Variants in FGF14 observed in about 807,000 individuals in gnomAD.
FGF14 encodes the protein fibroblast growth factor homologous factor 4.
A neutral mutation model predicts 25.5 loss-of-function variants in FGF14; 5 were observed. That is an observed-to-expected ratio of 0.20 (90% CI 0.10 to 0.41). The LOEUF (loss-of-function observed/expected upper bound fraction) is 0.41, where lower values mean the gene tolerates loss of function less well. Ranked by LOEUF, FGF14 falls within the 10% of genes least tolerant of loss-of-function variation. FGF14 has a pLI of 1.00. For missense variants in FGF14, 222 were observed against 320.1 expected (o/e 0.69, Z 2.34); for synonymous variants, 138 against 118.3 (o/e 1.17, Z -1.08).
chr13:101,800,975 A>C (rs1056551904), intron 3 of FGF14, among the ~76,000 whole-genome samples: 3 of 152,140 alleles, frequency 2.0e-5, no homozygotes, highest in African/African-American at 7.2e-5. Context: ...TGTTTTAGAA[A>C]ACGTGAGATA....
intron 1 of FGF14, among the ~76,000 whole-genome samples, chr13:101,929,571 C>A (rs1028947679): frequency 1.3e-5 from 2 of 152,132 alleles, no homozygotes; most frequent in African/African-American, 2.4e-5. Context: ...CATAGGTTTG[C>A]AGTAGACCCA....
At chr13:101,768,015 T>A (rs2038516400) in intron 3 of FGF14, among the ~76,000 whole-genome samples, 1 of 152,132 alleles carries the variant, frequency 6.6e-6, no homozygotes, top group Non-Finnish European at 1.5e-5. Flanking sequence ...TTTTCATAAT[T>A]TAGAGTAGGC....
intron 1 of FGF14, among the ~76,000 whole-genome samples, chr13:102,050,973 G>A (rs2042192295): frequency 6.6e-6 from 1 of 152,146 alleles, no homozygotes; most frequent in South Asian, 2.1e-4. Flanking sequence ...ACCAGAGACA[G>A]GTATGGCTGC....
chr13:102,022,646 A>G (rs1448090728), intron 1 of FGF14, among the ~76,000 whole-genome samples: 2 of 152,094 alleles, frequency 1.3e-5, no homozygotes, highest in Admixed American at 6.6e-5. Flanking sequence ...AGCCAATGAA[A>G]GGCAAAGAAA....
At position 102,253,132 on chromosome 13, in the gene FGF14, G is replaced by A. The variant is rs140095069; in HGVS notation, c.208+148339C>T. 2.4e-4 allele frequency among the ~76,000 whole-genome samples: 37 copies of A among 152,256 alleles called. No homozygotes were observed. The East Asian group carries it at 5.8e-3, about 24-fold the overall frequency. On this transcript the variant is annotated intron_variant, in intron 1 of 4. Transcript: ENST00000376131. ...GTGAACAGTGCCACAATAAACATAC[G>A]TGTGCATGTAACTTTACAGTAGAAT...
At chr13:101,815,509 GA>G (rs778496441) in intron 3 of FGF14, among the ~76,000 whole-genome samples, 7 of 152,152 alleles carry the variant, frequency 4.6e-5, no homozygotes, top group Non-Finnish European at 7.4e-5. Context: ...TATATTTTAA[GA>G]AGCACTGAAA....
intron 1 of FGF14, among the ~76,000 whole-genome samples, chr13:102,222,433 C>T (rs1415052): frequency 0.81 from 123,054 of 152,154 alleles, 50,166 homozygotes; most frequent in African/African-American, 0.91. Context: ...AAGACATGCA[C>T]TGCAGCCTTA....
At chr13:102,094,071 G>C (rs1430068685) in intron 1 of FGF14, among the ~76,000 whole-genome samples, 1 of 133,052 alleles carries the variant, frequency 7.5e-6, no homozygotes, top group African/African-American at 2.9e-5. Flanking sequence ...GCTAAAAAAG[G>C]AAGGAGAGGA....
chr13:102,100,668 G>A (rs1354068004), intron 1 of FGF14, among the ~76,000 whole-genome samples: 1 of 152,222 alleles, frequency 6.6e-6, no homozygotes, highest in Non-Finnish European at 1.5e-5. Flanking sequence ...CCTGTTGAGA[G>A]CAAGCTCATT....
In FGF14 at chr13:102,302,665, C is replaced by T. The variant is rs558199462; in HGVS notation, c.208+98806G>A. On this transcript the variant is annotated intron_variant, in intron 1 of 4. Transcript: ENST00000376131. ...CAACTGCCAGATATCTTCCCACAAA[C>T]TCCCAAACTCAGTGATAACTCTCTC... Among the ~76,000 whole-genome samples, 20 of 152,260 alleles carry T rather than the reference C, an allele frequency of 1.3e-4. No individual in the cohort carries two copies. The South Asian group carries it at 4.1e-3, about 32-fold the overall frequency.
chr13:101,869,563 T>C (rs1439642545), intron 2 of FGF14, among the ~76,000 whole-genome samples: 1 of 152,224 alleles, frequency 6.6e-6, no homozygotes, highest in East Asian at 1.9e-4. Context: ...GAATGTTTAG[T>C]AGGTTTTCTT....
intron 1 of FGF14, among the ~76,000 whole-genome samples, chr13:102,047,326 G>A (rs1010443832): frequency 2.0e-5 from 3 of 151,838 alleles, no homozygotes; most frequent in Non-Finnish European, 2.9e-5. Flanking sequence ...AGAATAATAA[G>A]AATAATAATG....
chr13:101,849,559 C>G (rs576167133), intron 3 of FGF14, among the ~76,000 whole-genome samples: 1 of 152,006 alleles, frequency 6.6e-6, no homozygotes, highest in Non-Finnish European at 1.5e-5. Context: ...TCAATGAATA[C>G]GTTAATGATA....
intron 1 of FGF14, among the ~76,000 whole-genome samples, chr13:101,948,762 G>A (rs1050734380): frequency 2.6e-5 from 4 of 152,090 alleles, no homozygotes; most frequent in African/African-American, 9.7e-5. Flanking sequence ...GGCACAGAAT[G>A]TTAACATTTG....
intron 1 of FGF14, among the ~76,000 whole-genome samples, chr13:102,240,825 G>T (rs2051562352): frequency 6.6e-6 from 1 of 151,774 alleles, no homozygotes; most frequent in Admixed American, 6.6e-5. Flanking sequence ...AACAAAATTA[G>T]GAGAAACAAT....
At chr13:102,356,539 G>T (rs1295150303) in intron 1 of FGF14, among the ~76,000 whole-genome samples, 1 of 152,166 alleles carries the variant, frequency 6.6e-6, no homozygotes, top group Admixed American at 6.5e-5. Context: ...CCTAAAACCT[G>T]TCATTATTAT....
intron 1 of FGF14, among the ~76,000 whole-genome samples, chr13:101,876,337 T>C (rs1358258549): frequency 5.3e-5 from 8 of 152,228 alleles, no homozygotes; most frequent in Non-Finnish European, 1.2e-4. Flanking sequence ...GAATGGGCCA[T>C]GCTAATGCAA....
rs1252745711 is a variant in FGF14 at position 101,862,454 on chromosome 13, A to C, written c.408+6271T>G. Among the ~76,000 whole-genome samples, 5 of 152,086 alleles carry C rather than the reference A, an allele frequency of 3.3e-5. No homozygotes were observed. In the South Asian group the frequency reaches 8.3e-4, roughly 25 times the overall value. On this transcript the variant is annotated intron_variant, in intron 3 of 4. Transcript: ENST00000376143. ...ATGTCACTGGAATCTGGATAGTATCAAAGTAATTTATTTCTGTTATCTAGC... is the reference window on the plus strand; with the variant it reads ...ATGTCACTGGAATCTGGATAGTATCCAAGTAATTTATTTCTGTTATCTAGC...
intron 1 of FGF14, among the ~76,000 whole-genome samples, chr13:101,909,602 G>A (rs1238183779): frequency 6.6e-6 from 1 of 152,242 alleles, no homozygotes; most frequent in African/African-American, 2.4e-5. Context: ...ACAGGTGATA[G>A]AGAGGATGTG....
Sources: gnomAD v4.1 joint callset for allele counts (sites outside exome capture counted in the v4.1 genomes callset) on GRCh38, gnomAD v4.1.1 for gene constraint, MANE v1.5 for transcripts, NCBI Gene and HGNC (gene_info 2026-07-23, HGNC 2026-07-21) for gene names.